The following NRXN3 variants were observed in gnomAD, a reference collection of about 807,000 sequenced individuals.
NRXN3 encodes the protein neurexin III.
NRXN3 carries 32 observed loss-of-function variants against 137.6 expected under a neutral mutation model. The ratio of observed to expected loss-of-function variants is 0.23; its 90% CI spans 0.18 to 0.31. NRXN3 has a LOEUF of 0.31. NRXN3 is among the 10% of genes least tolerant of loss of function. NRXN3 has a pLI of 1.00. For synonymous variants in NRXN3, 798 were observed against 784.5 expected, an observed-to-expected ratio of 1.02 and a Z score of -0.29; for missense variants, 1,574 against 2,062.5, an observed-to-expected ratio of 0.76 and a Z score of 4.59.
At chr14:78,399,641 C>A (rs536166223) in intron 4 of NRXN3, among the ~76,000 whole-genome samples, 1 of 152,336 alleles carries the variant, frequency 6.6e-6, no homozygotes, top group Admixed American at 6.5e-5. Context: ...TACTCAATGT[C>A]TAACTGCTGC....
At chr14:79,170,114 A>C (rs2061640505) in intron 15 of NRXN3, among the ~76,000 whole-genome samples, 1 of 152,060 alleles carries the variant, frequency 6.6e-6, no homozygotes, top group African/African-American at 2.4e-5. Flanking sequence ...AGTTAAATGT[A>C]CTCCATGCTC....
intron 16 of NRXN3, among the ~76,000 whole-genome samples, chr14:79,600,834 G>T (rs776010010): frequency 1.4e-4 from 21 of 151,838 alleles, no homozygotes; most frequent in Non-Finnish European, 2.5e-4. Flanking sequence ...GACAAGATGA[G>T]CCCGGAGAAT....
intron 15 of NRXN3, among the ~76,000 whole-genome samples, chr14:79,399,023 A>G (rs1056854541): frequency 2.0e-5 from 3 of 151,048 alleles, no homozygotes; most frequent in African/African-American, 7.3e-5. Context: ...AAAAAAAAAA[A>G]AAAAGAAGAA....
intron 4 of NRXN3, among the ~76,000 whole-genome samples, chr14:78,314,964 T>C (rs12889684): frequency 0.24 from 21,276 of 87,338 alleles, 2,283 homozygotes; most frequent in Middle Eastern, 0.32. Flanking sequence ...CCTTCCTTCC[T>C]TCCTTCCTTC....
At chr14:78,925,134 G>A (rs1477942380) in intron 10 of NRXN3, among the ~76,000 whole-genome samples, 1 of 152,188 alleles carries the variant, frequency 6.6e-6, no homozygotes, top group Non-Finnish European at 1.5e-5. Flanking sequence ...ATCTGGATCT[G>A]TTAGGTTGTC....
intron 4 of NRXN3, among the ~76,000 whole-genome samples, chr14:78,544,445 T>C (rs1241178737): frequency 6.6e-6 from 1 of 152,238 alleles, no homozygotes; most frequent in Non-Finnish European, 1.5e-5. Context: ...GCCTGAGTAC[T>C]TATTTCCATG....
chr14:78,194,849 C>A (rs1048353455), intron 1 of NRXN3, among the ~76,000 whole-genome samples: 1 of 152,194 alleles, frequency 6.6e-6, no homozygotes, highest in South Asian at 2.1e-4. Context: ...AATCTACGCC[C>A]CGGCTGGCGC....
chr14:79,122,101 T>G (rs1185664896), intron 15 of NRXN3, among the ~76,000 whole-genome samples: 1 of 152,194 alleles, frequency 6.6e-6, no homozygotes. Flanking sequence ...ATGCATTCTG[T>G]GTACTGGTGA....
chr14:79,534,322 G>C (rs1020046557), intron 16 of NRXN3, among the ~76,000 whole-genome samples: 1 of 152,142 alleles, frequency 6.6e-6, no homozygotes, highest in Non-Finnish European at 1.5e-5. Context: ...GCTATCTCTT[G>C]TTCCTTCGTT....
chr14:79,406,312 CTCT>C (rs2095311223), intron 15 of NRXN3, among the ~76,000 whole-genome samples: 1 of 150,546 alleles, frequency 6.6e-6, no homozygotes, highest in South Asian at 2.1e-4. Flanking sequence ...TCCTCTCCTC[CTCT>C]CTTTCTTGAG....
intron 15 of NRXN3, among the ~76,000 whole-genome samples, chr14:79,220,236 T>C (rs7143058): frequency 0.9 from 136,617 of 152,230 alleles, 62,507 homozygotes; most frequent in Non-Finnish European, 0.98. Context: ...AAACAGAGGC[T>C]TCCTAGGCAG....
intron 15 of NRXN3, among the ~76,000 whole-genome samples, chr14:79,406,472 T>G (rs1411644277): frequency 1.3e-5 from 2 of 151,990 alleles, no homozygotes; most frequent in Non-Finnish European, 2.9e-5. Context: ...TGGCTAATTT[T>G]TTTTTCTCTT....
intron 15 of NRXN3, 87 bp downstream of exon 15, chr14:78,988,228 C>T (rs1567911049): frequency 2.0e-6 from 3 of 1,503,234 alleles, no homozygotes; most frequent in Non-Finnish European, 2.8e-6. Flanking sequence ...AAAAGGATGG[C>T]TCTTCTGAAA....
intron 6 of NRXN3, among the ~76,000 whole-genome samples, chr14:78,663,881 C>G (rs2097860087): frequency 6.6e-6 from 1 of 152,104 alleles, no homozygotes; most frequent in Non-Finnish European, 1.5e-5. Flanking sequence ...ACACATATAC[C>G]TACAGGGATA....
chr14:79,372,922 G>GA (rs1020199896), intron 15 of NRXN3, among the ~76,000 whole-genome samples: 1 of 151,832 alleles, frequency 6.6e-6, no homozygotes, highest in Admixed American at 6.6e-5. Flanking sequence ...CTTAATTCTA[G>GA]AAAAAAATAT....
intron 15 of NRXN3, among the ~76,000 whole-genome samples, chr14:79,059,403 G>A (rs567587987): frequency 3.0e-4 from 46 of 151,780 alleles, no homozygotes; most frequent in East Asian, 5.9e-4. Context: ...GACTACAGGC[G>A]CCCGCCACCA....
intron 4 of NRXN3, among the ~76,000 whole-genome samples, chr14:78,459,016 T>C (rs187757386): frequency 1.3e-5 from 2 of 152,338 alleles, no homozygotes; most frequent in Admixed American, 1.3e-4. Context: ...TGAGTCAATT[T>C]GGACTCTACT....
At chr14:78,883,792 A>G (rs1469027672) in intron 10 of NRXN3, among the ~76,000 whole-genome samples, 1 of 152,234 alleles carries the variant, frequency 6.6e-6, no homozygotes, top group East Asian at 1.9e-4. Context: ...TGTTCATTTC[A>G]GATACATTAG....
At chr14:78,637,229 C>T (rs1247554446) in intron 4 of NRXN3, among the ~76,000 whole-genome samples, 1 of 152,178 alleles carries the variant, frequency 6.6e-6, no homozygotes. Context: ...TTCACCTTCT[C>T]CTAAATACTC....
Sources: allele counts gnomAD v4.1 joint callset (sites outside exome capture counted in the v4.1 genomes callset), GRCh38; gene constraint gnomAD v4.1.1; transcripts MANE v1.5; gene names NCBI Gene and HGNC (gene_info 2026-07-23, HGNC 2026-07-21).